Variants in TXNRD1 observed in about 807,000 individuals in gnomAD.
TXNRD1 encodes the protein thioredoxin reductase 1.
A neutral mutation model predicts 80.3 loss-of-function variants in TXNRD1; 57 were observed. That is an observed-to-expected ratio of 0.71 (90% CI 0.57 to 0.89). TXNRD1 has a LOEUF of 0.89. TXNRD1 is among the 40% of genes least tolerant of loss of function. The probability of loss-of-function intolerance (pLI) is 0.00; values close to 1 mark genes in which losing one functional copy is unlikely to be tolerated. For missense variants in TXNRD1, 730 were observed against 803.0 expected (o/e 0.91, Z 1.10); for synonymous variants, 291 against 285.2 (o/e 1.02, Z -0.20).
chr12:104,348,404 G>C lies in TXNRD1; in HGVS notation c.1933G>C (p.Ala645Pro). Residue 645 changes from alanine (A) to proline (P), a missense_variant, in exon 17 of 17, where the codon GCT becomes CCT. Ala to Pro is a conservative substitution (Grantham distance 27). Coordinates refer to ENST00000525566, the MANE Select transcript of TXNRD1 (RefSeq NM_001093771.3). ...GCGCTCTGGGGCAAGCATCCTCCAGGCTGGCTGCTGAGGTTAAGCCCCAGT... is the reference window on the plus strand; with the variant it reads ...GCGCTCTGGGGCAAGCATCCTCCAGCCTGGCTGCTGAGGTTAAGCCCCAGT... ...TKRSGASILQ[A>P]GCUG The C allele has an allele frequency of 6.2e-7, 1 of 1,613,982 alleles. No individual in the cohort carries two copies. Among genetic ancestry groups the C allele is most frequent in the Non-Finnish European group, 8.5e-7 (1 of 1,179,874 alleles).
At chr12:104,231,453 A>T (rs944535361) in intron 1 of TXNRD1, among the ~76,000 whole-genome samples, 3 of 152,250 alleles carry the variant, frequency 2.0e-5, no homozygotes, top group Non-Finnish European at 4.4e-5. Flanking sequence ...GGGTTCAAAT[A>T]TTAATACAAG....
intron 4 of TXNRD1, chr12:104,310,146 T>TTG: frequency 6.9e-7 from 1 of 1,440,638 alleles, no homozygotes; most frequent in East Asian, 2.5e-5. Flanking sequence ...GGCTTTTTGT[T>TTG]TGTTTGTTTT....
At chr12:104,288,574 G>A in intron 3 of TXNRD1, 1 of 317,672 alleles carries the variant, frequency 3.1e-6, no homozygotes, top group Non-Finnish European at 5.8e-6. Context: ...AGATAAACGT[G>A]TATTAAGCTT....
At chr12:104,309,089 G>A (rs927504114) in intron 4 of TXNRD1, among the ~76,000 whole-genome samples, 4 of 151,826 alleles carry the variant, frequency 2.6e-5, no homozygotes, top group African/African-American at 9.7e-5. Flanking sequence ...TGGTAGAGAC[G>A]GGGTTTCACC....
rs1194932506 is a variant in TXNRD1 at position 104,251,508 on chromosome 12, T to C, written c.92-19T>C. On this transcript the variant is annotated intron_variant, in intron 1 of 16. Transcript: ENST00000525566. ...TTTTCCTTTGTGATAATTACCATCC[T>C]TACTTCCATTACTTCTAGCTAAAGA... The C allele has an allele frequency of 6.2e-7, 1 of 1,610,902 alleles. No homozygotes were observed. Among genetic ancestry groups the C allele is most frequent in the Admixed American group, 1.7e-5 (1 of 59,466 alleles).
At chr12:104,326,546 A>G in intron 12 of TXNRD1, 123 bp downstream of exon 12, 2 of 570,116 alleles carry the variant, frequency 3.5e-6, no homozygotes, top group Non-Finnish European at 6.0e-6. Flanking sequence ...GCTCACTGCA[A>G]CCTCCGTCCC....
intron 1 of TXNRD1, 90 bp from the exon 2 acceptor site, chr12:104,251,437 G>T: frequency 7.3e-7 from 1 of 1,377,864 alleles, no homozygotes; most frequent in Non-Finnish European, 1.0e-6. Context: ...GACTTAAATG[G>T]TAATGCTTTT....
intron 4 of TXNRD1, chr12:104,303,626 G>GC (rs1398246157): frequency 2.9e-6 from 1 of 348,586 alleles, no homozygotes; most frequent in Non-Finnish European, 5.1e-6. Flanking sequence ...TGGGAGCGCC[G>GC]CGCTGGTCTA....
chr12:104,273,219 C>T (rs1478634085), intron 3 of TXNRD1, among the ~76,000 whole-genome samples: 8 of 152,144 alleles, frequency 5.3e-5, no homozygotes, highest in Non-Finnish European at 7.3e-5. Context: ...AGCCGGCAGC[C>T]CACGGCAAAG....
In TXNRD1 at chr12:104,319,554, A is replaced by G; in HGVS notation, c.958A>G (p.Ile320Val). Residue 320 changes from isoleucine (I) to valine (V), a missense_variant, in exon 9 of 17, where the codon ATC becomes GTC. Transcript: ENST00000525566. Reference protein sequence around the residue: ...ATGERPRYLGIPGDKEYCISS... With the variant: ...ATGERPRYLGVPGDKEYCISS... ...TGGTGAAAGACCACGTTACTTGGGC[A>G]TCCCTGGTGACAAAGAATACTGCAT... is the stretch of plus-strand genomic sequence containing the variant. 1 of 1,604,658 alleles carries G rather than the reference A, an allele frequency of 6.2e-7. No homozygotes were observed. The highest frequency in any genetic ancestry group is 8.5e-7 in the Non-Finnish European group (1 of 1,175,388).
At chr12:104,287,151 C>G in intron 3 of TXNRD1, 1 of 1,546,574 alleles carries the variant, frequency 6.5e-7, no homozygotes, top group South Asian at 1.2e-5. Flanking sequence ...GCCGCGAGCC[C>G]AGGGATGGGA....
intron 4 of TXNRD1, chr12:104,304,792 G>T (rs377581157): frequency 6.8e-6 from 11 of 1,613,876 alleles, no homozygotes; most frequent in Non-Finnish European, 8.5e-6. Flanking sequence ...TAGAGCCGAT[G>T]AATGTTAACC....
chr12:104,281,764 T>G (rs1401717954), intron 3 of TXNRD1, among the ~76,000 whole-genome samples: 1 of 152,024 alleles, frequency 6.6e-6, no homozygotes, highest in Non-Finnish European at 1.5e-5. Flanking sequence ...ACTGAGCAAT[T>G]ATTTTATCAT....
chr12:104,265,843 C>G (rs2033473126), intron 3 of TXNRD1: 1 of 1,406,858 alleles, frequency 7.1e-7, no homozygotes, highest in Non-Finnish European at 9.8e-7. Flanking sequence ...CTTCTAGGTG[C>G]AGGGCCCTCG....
At chr12:104,271,276 C>T (rs1401047286) in intron 3 of TXNRD1, among the ~76,000 whole-genome samples, 1 of 150,646 alleles carries the variant, frequency 6.6e-6, no homozygotes, top group Non-Finnish European at 1.5e-5. Flanking sequence ...AGCTCCGCCT[C>T]CCAGGTTCAT....
chr12:104,222,895 CA>C (rs1482642974), intron 1 of TXNRD1, among the ~76,000 whole-genome samples: 3 of 152,070 alleles, frequency 2.0e-5, no homozygotes, highest in Admixed American at 6.6e-5. Flanking sequence ...GATTATTGAG[CA>C]GAAATGTACG....
chr12:104,329,707 A>T (rs2035886068), intron 13 of TXNRD1, among the ~76,000 whole-genome samples: 1 of 151,904 alleles, frequency 6.6e-6, no homozygotes. Context: ...TGTTGGACAT[A>T]CTCTTCTCTG....
chr12:104,218,508 A>G (rs1185290542), intron 1 of TXNRD1, among the ~76,000 whole-genome samples: 4 of 152,240 alleles, frequency 2.6e-5, no homozygotes, highest in Non-Finnish European at 5.9e-5. Flanking sequence ...TTCTAACAGC[A>G]TAGAAGAATT....
chr12:104,330,510 CT>C (rs2035912474), intron 13 of TXNRD1, among the ~76,000 whole-genome samples: 1 of 152,154 alleles, frequency 6.6e-6, no homozygotes, highest in Non-Finnish European at 1.5e-5. Context: ...CCATGGTCTT[CT>C]TTACCATTTT....
Sources: gnomAD v4.1 joint callset for allele counts (sites outside exome capture counted in the v4.1 genomes callset) on GRCh38, gnomAD v4.1.1 for gene constraint, MANE v1.5 for transcripts, NCBI Gene and HGNC (gene_info 2026-07-23, HGNC 2026-07-21) for gene names.